The following KMT2D variants were observed in gnomAD, a reference collection of about 807,000 sequenced individuals.
KMT2D encodes the protein lysine methyltransferase 2D.
KMT2D carries 55 observed loss-of-function variants against 512.7 expected under a neutral mutation model. That is an observed-to-expected ratio of 0.11 (90% CI 0.09 to 0.13). The LOEUF (loss-of-function observed/expected upper bound fraction) is 0.13. Among genes scored for constraint, KMT2D ranks in the 10% least tolerant of loss-of-function variants. KMT2D has a pLI of 1.00. For missense variants in KMT2D, 6,061 were observed against 7,127.9 expected (o/e 0.85, Z 5.39); for synonymous variants, 2,995 against 2,904.0 (o/e 1.03, Z -1.01).
intron 43 of KMT2D, 121 bp from the exon 44 acceptor site, chr12:49,029,597 C>T (rs887104493): frequency 5.7e-6 from 4 of 697,474 alleles, no homozygotes; most frequent in South Asian, 3.8e-5. Context: ...GCTGTCCTCC[C>T]ACCTACCAGT....
intron 43 of KMT2D, 63 bp from the exon 44 acceptor site, chr12:49,029,539 C>G (rs1437888617): frequency 3.2e-6 from 4 of 1,263,016 alleles, no homozygotes; most frequent in African/African-American, 1.5e-5. Flanking sequence ...GGTACCTTCT[C>G]CCAATATTTT....
Position 49,034,848 on chromosome 12 carries a change from G to A in KMT2D, c.10319C>T (p.Ala3440Val), listed in dbSNP as rs2120461120. Residue 3440 changes from alanine to valine, a missense_variant, in exon 36 of 55, where the codon GCT (alanine) becomes GTT (valine). This residue lies in a region of KMT2D where 533 missense variants were observed against 539.6 expected (regional missense o/e 0.99). Transcript: ENST00000301067. The part of the protein sequence containing the change: ...VALKGIKKVM[A>V]QGSIGVAPGM... ...AGGTGCCACCCCAATGCTGCCCTGAGCCATCACTTTCTTGATGCCTTTCAA... is the reference window on the plus strand; with the variant it reads ...AGGTGCCACCCCAATGCTGCCCTGAACCATCACTTTCTTGATGCCTTTCAA... 3 of 1,613,984 alleles carry A rather than the reference G, an allele frequency of 1.9e-6. No homozygotes were observed. Among genetic ancestry groups the A allele is most frequent in the South Asian group, 2.2e-5 (2 of 91,082 alleles).
rs548225150 is a variant in KMT2D at position 49,052,953 on chromosome 12, G to C, written c.1074C>G (p.Ile358Met). Residue 358 changes from isoleucine (I) to methionine (M), a missense_variant, in exon 9 of 55, where the codon ATC becomes ATG. Ile to Met is a conservative substitution (Grantham distance 10). This residue lies in a region of KMT2D where 848 missense variants were observed against 838.5 expected (regional missense o/e 1.01). Coordinates refer to ENST00000301067, the MANE Select transcript of KMT2D (RefSeq NM_003482.4). ...RCHKAQGGQTIRSVAEQHTPV... is the reference protein window; with the variant it reads ...RCHKAQGGQTMRSVAEQHTPV... ...GGGTATGCTGCTCAGCAACGGAGCG[G>C]ATAGTCTGACCTCCCTGGGCTTTGT... 1.4e-5 allele frequency: 22 copies of C among 1,614,008 alleles called. No homozygotes were observed. The highest frequency in any genetic ancestry group is 6.7e-5 in the African/African-American group (5 of 75,052).
chr12:49,038,817 G>A lies in KMT2D; in HGVS notation c.8539C>T (p.Arg2847Cys), dbSNP rs374063212. The change falls in exon 35 of 55, where the codon CGC (arginine) becomes TGC (cysteine). Residue 2847 changes from arginine (R) to cysteine (C), a missense_variant. Arg to Cys is a radical substitution (Grantham distance 180). This residue lies in a region of KMT2D where 527 missense variants were observed against 578.9 expected (regional missense o/e 0.91). Coordinates refer to ENST00000301067, the MANE Select transcript of KMT2D (RefSeq NM_003482.4). This position sits in a 1 kb window ranked among gnomAD's most constrained non-coding sequence, Gnocchi z 5.7. ...FPSTPGPELGRQALGSPLAGI... is the reference protein window; with the variant it reads ...FPSTPGPELGCQALGSPLAGI... ...GCCAACGGGGAACCTAGGGCTTGGC[G>A]GCCAAGTTCAGGTCCAGGAGTTGAT... 50 of 1,566,646 alleles carry A rather than the reference G, an allele frequency of 3.2e-5. No individual in the cohort carries two copies. Among genetic ancestry groups the A allele is most frequent in the Admixed American group, 1.3e-4 (7 of 52,446 alleles).
At position 49,031,907 on chromosome 12, in the gene KMT2D, G is replaced by A. The variant is rs2120426339; in HGVS notation, c.12798C>T (p.Phe4266=). Residue 4266 remains phenylalanine, a synonymous_variant, in exon 40 of 55, where the codon TTC becomes TTT. Coordinates refer to ENST00000301067, the MANE Select transcript of KMT2D (RefSeq NM_003482.4). ...GGAGGGGGCCTGTCTGTGGTCCAGG[G>A]AAGCCCCCAAGTTGAGGTTGGCAGC... ...LLGCQPQLGG[F]PGPQTGPLQE... The A allele has an allele frequency of 6.5e-7, 1 of 1,536,610 alleles. No individual in the cohort carries two copies. Among genetic ancestry groups the A allele is most frequent in the Non-Finnish European group, 8.7e-7 (1 of 1,143,072 alleles).
rs1054025123 is a variant in KMT2D, at chr12:49,027,927, C to T, written c.14519G>A (p.Gly4840Glu). 7.4e-6 allele frequency: 12 copies of T among 1,613,858 alleles called. No homozygotes were observed. The African/African-American group carries it at 1.5e-4, about 20-fold the overall frequency. The change falls in exon 48 of 55, where the codon GGG (glycine) becomes GAG (glutamate). Residue 4840 changes from glycine to glutamate, a missense_variant. Gly to Glu is a moderately conservative substitution (Grantham distance 98). Coordinates refer to ENST00000301067, the MANE Select transcript of KMT2D (RefSeq NM_003482.4). ...CTTGCCTTCCAGACCCTTTTCCTTC[C>T]CACCTGCAGAAAGGAGTGGATCAGA... ...PKKGEAEGPG[G>E]KEKGLEGKSP...
chr12:49,040,778 A>G lies in KMT2D; in HGVS notation c.6992T>C (p.Leu2331Pro). 2 of 1,613,582 alleles carry G rather than the reference A, an allele frequency of 1.2e-6. No homozygotes were observed. Among genetic ancestry groups the G allele is most frequent in the Non-Finnish European group, 1.7e-6 (2 of 1,179,720 alleles). ...CTCTACCTGAGATGCCCGAGGGGTC[A>G]GGGGGGCTTTGAAGACATCAGGTGT... The part of the protein sequence containing the change: ...LKTPDVFKAP[L>P]TPRASQVEPQ... The change falls in exon 32 of 55, where the codon CTG (leucine) becomes CCG (proline). Residue 2331 changes from leucine to proline, a missense_variant. Coordinates refer to ENST00000301067, the MANE Select transcript of KMT2D (RefSeq NM_003482.4).
At position 49,039,625 on chromosome 12, in the gene KMT2D, A is replaced by G; in HGVS notation, c.8047-8T>C. The G allele has an allele frequency of 6.2e-7, 1 of 1,605,650 alleles. No homozygotes were observed. Among genetic ancestry groups the G allele is most frequent in the African/African-American group, 1.3e-5 (1 of 74,940 alleles). ...CTCTCGTAGTCGCTGGCGCTATGCA[A>G]AAAAAAGAGAAGAGGAATAAGCCCA... On this transcript the variant is annotated splice_polypyrimidine_tract_variant and splice_region_variant and intron_variant, in intron 32 of 54. Coordinates refer to ENST00000301067, the MANE Select transcript of KMT2D (RefSeq NM_003482.4). The surrounding 1 kb of genome is among the most constrained non-coding windows in gnomAD (Gnocchi z 5.0).
intron 6 of KMT2D, 144 bp downstream of exon 6, chr12:49,053,834 G>A: frequency 9.1e-7 from 1 of 1,094,358 alleles, no homozygotes. Context: ...CAAAACCCTG[G>A]TGCTCACAAA....
rs1157576213 is a variant in KMT2D, at chr12:49,049,961, A to G, written c.3627T>C (p.Ser1209=). 1.2e-6 allele frequency: 2 copies of G among 1,613,676 alleles called. No individual in the cohort carries two copies. Among genetic ancestry groups the G allele is most frequent in the African/African-American group, 2.7e-5 (2 of 75,052 alleles). The change falls in exon 12 of 55, where the codon TCT becomes TCC. Residue 1209 remains serine (S), a synonymous_variant. Coordinates refer to ENST00000301067, the MANE Select transcript of KMT2D (RefSeq NM_003482.4). ...LIKSDIVNEI[S]NLSQGDASAS... is the part of the protein sequence containing the mutation. ...CACTGGCATCACCCTGGCTCAGATT[A>G]GAGATCTCGTTAACGATGTCGGATT...
In KMT2D at chr12:49,030,382, A is replaced by C; in HGVS notation, c.13897T>G (p.Ser4633Ala). 1.5e-5 allele frequency: 11 copies of C among 719,846 alleles called. No homozygotes were observed. The highest frequency in any genetic ancestry group is 2.5e-5 in the Non-Finnish European group (11 of 435,558). The allele number at this position is 719,846 out of a possible 1,614,324, so 44.6% of individuals were successfully genotyped here. A position where few individuals can be genotyped will look rare whatever the true frequency, so the allele number is the denominator to read the frequency against. Residue 4633 changes from serine (S) to alanine (A), a missense_variant, in exon 43 of 55, where the codon TCG becomes GCG. Coordinates refer to ENST00000301067, the MANE Select transcript of KMT2D (RefSeq NM_003482.4). ...PSSLPPTPPP[S>A]VQQKMVNGVT... ...CCATTCACCATCTTCTGCTGCACCG[A>C]TGGGGGTGGGGTGGGGGGCAGCGAC...
rs367925817 is a variant in KMT2D, at chr12:49,052,166, G to T, written c.1517C>A (p.Pro506Gln). ...TGGAGAAAAAGGTGATGATTCAGGT[G>T]GGGGAGACAGAGGAGACTCCTCAGG... ...PPPEESPLSPPPESSPFSPLE... is the reference protein window; with the variant it reads ...PPPEESPLSPQPESSPFSPLE... The change falls in exon 11 of 55, where the codon CCA becomes CAA. Residue 506 changes from proline to glutamine, a missense_variant. Transcript: ENST00000301067. 3.4e-5 allele frequency: 55 copies of T among 1,613,496 alleles called. No homozygotes were observed. Among genetic ancestry groups the T allele is most frequent in the Non-Finnish European group, 4.2e-5 (50 of 1,179,748 alleles).
At position 49,040,336 on chromosome 12, in the gene KMT2D, G is replaced by A. The variant is rs958343382; in HGVS notation, c.7434C>T (p.Ala2478=). The stretch of plus-strand genomic sequence containing the variant: ...TGTGGGCTAGAGACCCAGCCTTAAA[G>A]GCAACTTCAGGGGGCTGGGGTCGGG... ...KPPRPQPPEV[A]FKAGSLAHTS... The change falls in exon 32 of 55, where the codon GCC becomes GCT. Residue 2478 remains alanine (A), a synonymous_variant. Coordinates refer to ENST00000301067, the MANE Select transcript of KMT2D (RefSeq NM_003482.4). 6.4e-7 allele frequency: 1 copy of A among 1,570,752 alleles called. No homozygotes were observed. The highest frequency in any genetic ancestry group is 1.4e-5 in the African/African-American group (1 of 73,558).
In KMT2D at chr12:49,048,643, T is replaced by C; in HGVS notation, c.4131+16A>G. ...CATACACAATGTTCAGTGTGCCAGGTCTCACTGTATGGTACCTGCATTAGG... is the reference window on the plus strand; with the variant it reads ...CATACACAATGTTCAGTGTGCCAGGCCTCACTGTATGGTACCTGCATTAGG... On this transcript the variant is annotated intron_variant, in intron 14 of 54. Coordinates refer to ENST00000301067, the MANE Select transcript of KMT2D (RefSeq NM_003482.4). 1 of 1,501,918 alleles carries C rather than the reference T, an allele frequency of 6.7e-7. No homozygotes were observed. Among genetic ancestry groups the C allele is most frequent in the Non-Finnish European group, 9.3e-7 (1 of 1,077,784 alleles). The allele number at this position is 1,501,918 out of a possible 1,614,324, so 93.0% of individuals were successfully genotyped here. A position where few individuals can be genotyped will look rare whatever the true frequency, so the allele number is the denominator to read the frequency against.
At position 49,037,570 on chromosome 12, in the gene KMT2D, C is replaced by T. The variant is rs2120482077; in HGVS notation, c.9786G>A (p.Lys3262=). The part of the protein sequence containing the change: ...LLEHEKKELQ[K]KQQLSAQLQP... Reference sequence around the variant, plus strand: ...GCAACTGTGCTGAAAGCTGCTGCTTCTTCTGCAGCTCCTTCTTCTCATGCT... The same window carrying T: ...GCAACTGTGCTGAAAGCTGCTGCTTTTTCTGCAGCTCCTTCTTCTCATGCT... The change falls in exon 35 of 55, where the codon AAG becomes AAA. Residue 3262 remains lysine, a synonymous_variant. Coordinates refer to ENST00000301067, the MANE Select transcript of KMT2D (RefSeq NM_003482.4). 6.4e-7 allele frequency: 1 copy of T among 1,553,968 alleles called. No homozygotes were observed. The highest frequency in any genetic ancestry group is 8.7e-7 in the Non-Finnish European group (1 of 1,148,288).
intron 43 of KMT2D, among the ~76,000 whole-genome samples, chr12:49,029,685 T>G (rs979691857): frequency 5.9e-5 from 9 of 151,530 alleles, no homozygotes; most frequent in South Asian, 4.2e-4. Flanking sequence ...TTGTTTTTTT[T>G]TTTTTTTTCC....
chr12:49,035,011 C>G (rs2120463390), intron 35 of KMT2D, 76 bp from the exon 36 acceptor site: 1 of 1,574,718 alleles, frequency 6.4e-7, no homozygotes, highest in Non-Finnish European at 8.7e-7. Context: ...CCTTCAACAT[C>G]CTGACTTCAA....
chr12:49,030,816 G>A (rs202039957), intron 41 of KMT2D, 48 bp from the exon 42 acceptor site: 30 of 1,612,364 alleles, frequency 1.9e-5, no homozygotes, highest in African/African-American at 2.7e-5. Flanking sequence ...CGTTTGCATC[G>A]CTGTCTTGCA....
Position 49,042,049 on chromosome 12 carries a change from T to C in KMT2D, c.6109+40A>G, listed in dbSNP as rs985337908. The C allele has an allele frequency of 7.4e-6, 12 of 1,612,296 alleles. No homozygotes were observed. Among genetic ancestry groups the C allele is most frequent in the African/African-American group, 2.7e-5 (2 of 74,984 alleles). ...TGGCAGGCGACTCCTCCACCTGCCA[T>C]GTTGCCAGGCTGTCTCCCTTGCCCT... is the stretch of plus-strand genomic sequence containing the variant. On this transcript the variant is annotated intron_variant, in intron 29 of 54. Coordinates refer to ENST00000301067, the MANE Select transcript of KMT2D (RefSeq NM_003482.4). The surrounding 1 kb of genome is among the most constrained non-coding windows in gnomAD (Gnocchi z 4.4).
Sources: gnomAD v4.1 joint callset for allele counts (sites outside exome capture counted in the v4.1 genomes callset) on GRCh38, gnomAD v4.1.1 for gene constraint, gnomAD v4.1.1 regional missense constraint, Gnocchi (gnomAD v3.1) non-coding constraint, MANE v1.5 for transcripts, NCBI Gene and HGNC (gene_info 2026-07-23, HGNC 2026-07-21) for gene names.